Variants in SEMA4D observed in about 807,000 individuals in gnomAD.
SEMA4D encodes semaphorin-4D.
Under a neutral mutation model 74.8 loss-of-function variants are expected in SEMA4D, and 22 were observed. That is an observed-to-expected ratio of 0.29 (90% CI 0.21 to 0.42). The LOEUF (loss-of-function observed/expected upper bound fraction) is 0.42. Ranked by LOEUF, SEMA4D falls within the 10% of genes least tolerant of loss-of-function variation. SEMA4D has a pLI of 1.00. For synonymous variants in SEMA4D, 445 were observed against 463.7 expected, an observed-to-expected ratio of 0.96 and a Z score of 0.52; for missense variants, 937 against 1,118.4, an observed-to-expected ratio of 0.84 and a Z score of 2.31.
chr9:89,451,956 T>G (rs115443136), intron 2 of SEMA4D, among the ~76,000 whole-genome samples: 2,050 of 152,212 alleles, frequency 0.013, 44 homozygotes, highest in African/African-American at 0.046. Context: ...GTGCTCTGTA[T>G]CAGGTGTGGT....
chr9:89,383,669 C>T (rs780189940), intron 13 of SEMA4D, among the ~76,000 whole-genome samples: 24 of 152,140 alleles, frequency 1.6e-4, no homozygotes, highest in Non-Finnish European at 1.9e-4. Context: ...TGCACACTGG[C>T]TATGTGAGAC....
intron 2 of SEMA4D, among the ~76,000 whole-genome samples, chr9:89,407,978 TCCCAAACCAGTA>T (rs1843672477): frequency 6.6e-6 from 1 of 152,240 alleles, no homozygotes; most frequent in Non-Finnish European, 1.5e-5. Flanking sequence ...CACTTTGAGC[TCCCAAACCAGTA>T]ATGGTTTCTA....
intron 15 of SEMA4D, among the ~76,000 whole-genome samples, chr9:89,379,960 C>T (rs1028708128): frequency 5.3e-5 from 8 of 152,252 alleles, no homozygotes; most frequent in African/African-American, 1.2e-4. Context: ...AGACACGAGA[C>T]GCTTCTGCTA....
intron 1 of SEMA4D, among the ~76,000 whole-genome samples, chr9:89,496,761 G>A (rs933824472): frequency 3.3e-5 from 5 of 152,272 alleles, no homozygotes; most frequent in South Asian, 4.1e-4. Flanking sequence ...AAATAACCTC[G>A]CCTGGGCAGC....
chr9:89,388,848 G>A, intron 10 of SEMA4D, 24 bp downstream of exon 10: 1 of 1,610,074 alleles, frequency 6.2e-7, no homozygotes, highest in Non-Finnish European at 8.5e-7. Flanking sequence ...GAGCAAGGAG[G>A]GGGACTCCAC....
chr9:89,404,451 C>G (rs1047712224), intron 3 of SEMA4D, among the ~76,000 whole-genome samples: 1 of 152,188 alleles, frequency 6.6e-6, no homozygotes, highest in Non-Finnish European at 1.5e-5. Context: ...GGCCTGTCTG[C>G]TCAGACAAAA....
At chr9:89,457,517 G>A (rs1270019041) in intron 1 of SEMA4D, among the ~76,000 whole-genome samples, 4 of 150,944 alleles carry the variant, frequency 2.6e-5, no homozygotes, top group East Asian at 3.9e-4. Flanking sequence ...TGGGAGGATC[G>A]CTTGGGCCCA....
intron 2 of SEMA4D, among the ~76,000 whole-genome samples, chr9:89,419,472 T>C (rs1846441348): frequency 6.6e-6 from 1 of 152,162 alleles, no homozygotes; most frequent in South Asian, 2.1e-4. Flanking sequence ...CATCACTTGT[T>C]TCCACGAGGC....
chr9:89,440,019 C>T (rs531084474), intron 2 of SEMA4D, among the ~76,000 whole-genome samples: 8 of 152,324 alleles, frequency 5.3e-5, no homozygotes, highest in Non-Finnish European at 8.8e-5. Flanking sequence ...GGTCAGGAGC[C>T]GTGTCCAGGA....
At chr9:89,449,412 T>C (rs934481769) in intron 2 of SEMA4D, 3 of 533,010 alleles carry the variant, frequency 5.6e-6, no homozygotes, top group Non-Finnish European at 7.0e-6. Flanking sequence ...CAGATGCTCT[T>C]AGAAGTCACG....
downstream of SEMA4D, among the ~76,000 whole-genome samples, chr9:89,375,096 C>CA (rs1835610737): frequency 6.6e-6 from 1 of 152,188 alleles, no homozygotes. Context: ...CCTGACCATA[C>CA]AGCCTGCCTG....
intron 9 of SEMA4D, 23 bp downstream of exon 9, chr9:89,391,241 A>G: frequency 6.2e-7 from 1 of 1,608,778 alleles, no homozygotes; most frequent in South Asian, 1.1e-5. Flanking sequence ...GGGCCAAGCG[A>G]AGCCAGAGTG....
At position 89,467,669 on chromosome 9, in the gene SEMA4D, T is replaced by C. The variant is rs984939996; in HGVS notation, c.-309-11716A>G. On this transcript the variant is annotated intron_variant, in intron 1 of 15. Coordinates refer to ENST00000422704, the MANE Select transcript of SEMA4D (RefSeq NM_001371194.2). Reference sequence around the variant, plus strand: ...GCCTCAGCCTCCCAAGTAGCTGGGATTGTAGGTGCGCACCATCACGCCCAG... The same window carrying C: ...GCCTCAGCCTCCCAAGTAGCTGGGACTGTAGGTGCGCACCATCACGCCCAG... 3.3e-5 allele frequency among the ~76,000 whole-genome samples: 5 copies of C among 152,010 alleles called. No homozygotes were observed. The East Asian group carries it at 7.7e-4, about 24-fold the overall frequency.
At chr9:89,430,078 G>A (rs1378088881) in intron 2 of SEMA4D, among the ~76,000 whole-genome samples, 1 of 151,860 alleles carries the variant, frequency 6.6e-6, no homozygotes, top group Non-Finnish European at 1.5e-5. Context: ...GAGGAGGACG[G>A]GCCTCAGGCT....
chr9:89,366,249 G>A (rs542372917), intron 16 of SEMA4D, among the ~76,000 whole-genome samples: 2 of 152,330 alleles, frequency 1.3e-5, no homozygotes, highest in South Asian at 4.1e-4. Context: ...AAAAATGGCT[G>A]GGATGCTGGT....
At chr9:89,385,865 T>TTGGGGGGGGGGGGG in intron 13 of SEMA4D, 92 of 213,320 alleles carry the variant, frequency 4.3e-4, no homozygotes, top group South Asian at 7.1e-4. Flanking sequence ...CCAGCGTGGA[T>TTGGGGGGGGGGGGG]GCCCGCCCAC....
intron 2 of SEMA4D, among the ~76,000 whole-genome samples, chr9:89,435,847 C>T (rs560947722): frequency 3.3e-5 from 5 of 152,208 alleles, no homozygotes; most frequent in Non-Finnish European, 2.9e-5. Context: ...AGAGAAACTT[C>T]GAGATAAATG....
At chr9:89,404,597 T>A (rs13286862) in intron 3 of SEMA4D, among the ~76,000 whole-genome samples, 3 of 98,060 alleles carry the variant, frequency 3.1e-5, no homozygotes, top group Non-Finnish European at 5.8e-5. Context: ...CCCCATCCCG[T>A]CCCCAGCCAC....
rs771567217 is a variant in SEMA4D, at chr9:89,402,856, G to A, written c.252+15C>T. On this transcript the variant is annotated intron_variant, in intron 4 of 15. Coordinates refer to ENST00000422704, the MANE Select transcript of SEMA4D (RefSeq NM_001371194.2). ...AGCTGGGCTATGTGGACATGCAGGG[G>A]AGCCCAGGACGTACCTCATGCTGCT... The A allele has an allele frequency of 1.2e-6, 2 of 1,608,416 alleles. No homozygotes were observed. The highest frequency in any genetic ancestry group is 1.7e-4 in the Middle Eastern group (1 of 6,054).
Sources: allele counts gnomAD v4.1 joint callset (sites outside exome capture counted in the v4.1 genomes callset), GRCh38; gene constraint gnomAD v4.1.1; transcripts MANE v1.5; gene names NCBI Gene and HGNC (gene_info 2026-07-23, HGNC 2026-07-21).